The following RYR2 variants were observed in gnomAD, a reference collection of about 807,000 sequenced individuals.
RYR2 encodes the protein ryanodine receptor 2.
Under a neutral mutation model 601.1 loss-of-function variants are expected in RYR2, and 227 were observed. The observed-to-expected ratio is 0.38, with a 90% CI of 0.34 to 0.42. The LOEUF (loss-of-function observed/expected upper bound fraction) is 0.42. Ranked by LOEUF, RYR2 falls within the 10% of genes least tolerant of loss-of-function variation. The pLI, the probability that RYR2 is intolerant of heterozygous loss-of-function variation, is 1.00. For synonymous variants in RYR2, 2,223 were observed against 2,175.1 expected (o/e 1.02, Z -0.61); for missense variants, 4,646 against 6,156.5 (o/e 0.75, Z 8.21).
rs200688517 is a variant in RYR2 at position 237,473,495 on chromosome 1, T to C, written c.1708+4308T>C. Reference sequence around the variant, plus strand: ...TATCTATCTGGCATATATGTACTTATTAAATTAGATCTGTCCGTCCAATAA... The same window carrying C: ...TATCTATCTGGCATATATGTACTTACTAAATTAGATCTGTCCGTCCAATAA... On this transcript the variant is annotated intron_variant, in intron 17 of 104. Coordinates refer to ENST00000366574, the MANE Select transcript of RYR2 (RefSeq NM_001035.3). Among the ~76,000 whole-genome samples, 21 of 111,328 alleles carry C rather than the reference T, an allele frequency of 1.9e-4. 1 individual carries two copies. The East Asian group carries it at 6.2e-3, about 33-fold the overall frequency. The allele number at this position is 111,328 out of a possible 152,430, so 73.0% of individuals were successfully genotyped here.
chr1:237,353,116 C>T (rs1403526468), intron 3 of RYR2, among the ~76,000 whole-genome samples: 1 of 152,106 alleles, frequency 6.6e-6, no homozygotes, highest in East Asian at 1.9e-4. Flanking sequence ...GGCTCAAAGC[C>T]TGCCACATGG....
chr1:237,698,665 G>C (rs1415803031), intron 63 of RYR2, among the ~76,000 whole-genome samples: 1 of 148,924 alleles, frequency 6.7e-6, no homozygotes, highest in Non-Finnish European at 1.5e-5. Flanking sequence ...CAGTGAGATG[G>C]GAGGGAGAGG....
At chr1:237,591,506 C>T (rs1012564729) in intron 31 of RYR2, among the ~76,000 whole-genome samples, 1 of 151,970 alleles carries the variant, frequency 6.6e-6, no homozygotes, top group East Asian at 1.9e-4. Context: ...TGAGGACACA[C>T]CTTGGACATT....
rs983437437 is a variant in RYR2, at chr1:237,801,366, A to C, written c.14091-490A>C. Among the ~76,000 whole-genome samples, 5 of 68,388 alleles carry C rather than the reference A, an allele frequency of 7.3e-5. No homozygotes were observed. The East Asian group carries it at 2.2e-3, about 31-fold the overall frequency. 44.9% of individuals were successfully genotyped at this position (68,388 alleles called of 152,430 possible). ...GCCAACATGATGAAACCCCATCTCT[A>C]CAAAAAAAAAAAAAAAAAAAAAAAA... On this transcript the variant is annotated intron_variant, in intron 97 of 104. Transcript: ENST00000366574.
chr1:237,501,760 C>A (rs550002054), intron 21 of RYR2, among the ~76,000 whole-genome samples: 1 of 152,266 alleles, frequency 6.6e-6, no homozygotes, highest in African/African-American at 2.4e-5. Context: ...TTTCTATAAG[C>A]TTCTGGAATG....
At chr1:237,511,409 T>C (rs1427482501) in intron 23 of RYR2, among the ~76,000 whole-genome samples, 1 of 151,500 alleles carries the variant, frequency 6.6e-6, no homozygotes, top group East Asian at 1.9e-4. Flanking sequence ...TGCAAGGAGC[T>C]GACTGAGTGA....
At chr1:237,193,719 A>C (rs1201996748) in intron 1 of RYR2, among the ~76,000 whole-genome samples, 3 of 152,178 alleles carry the variant, frequency 2.0e-5, no homozygotes, top group Non-Finnish European at 4.4e-5. Flanking sequence ...AAAACTCTGG[A>C]AACGAGTTGC....
rs191839463 is a variant in RYR2, at chr1:237,666,445, A to G, written c.8437-67A>G. The G allele has an allele frequency of 2.4e-4, 327 of 1,348,170 alleles. 2 individuals are homozygous for G. In the African/African-American group the frequency reaches 4.3e-3, roughly 18 times the overall value. 83.5% of individuals were successfully genotyped at this position (1,348,170 alleles called of 1,614,324 possible). On this transcript the variant is annotated intron_variant, in intron 56 of 104. Coordinates refer to ENST00000366574, the MANE Select transcript of RYR2 (RefSeq NM_001035.3). ...TTGGAAATTTGTGCCATATTTTTAA[A>G]GTATAAGTTAAGTCTCTCTTCACAA... is the stretch of plus-strand genomic sequence containing the variant.
chr1:237,589,477 G>A (rs1215812102), intron 29 of RYR2, among the ~76,000 whole-genome samples: 1 of 152,160 alleles, frequency 6.6e-6, no homozygotes, highest in Non-Finnish European at 1.5e-5. Context: ...GGAGACTGCA[G>A]GGCGGGGATC....
At chr1:237,461,866 A>C (rs1659521622) in intron 16 of RYR2, among the ~76,000 whole-genome samples, 1 of 151,826 alleles carries the variant, frequency 6.6e-6, no homozygotes, top group South Asian at 2.1e-4. Context: ...TTGAGTTCTT[A>C]TGATTTTCTT....
At chr1:237,236,176 G>A (rs1449358461) in intron 1 of RYR2, among the ~76,000 whole-genome samples, 1 of 152,168 alleles carries the variant, frequency 6.6e-6, no homozygotes, top group Non-Finnish European at 1.5e-5. Flanking sequence ...CCAGATCTAA[G>A]TAGGAAAGGA....
intron 10 of RYR2, among the ~76,000 whole-genome samples, chr1:237,393,946 T>C (rs115928928): frequency 0.01 from 1,569 of 152,306 alleles, 14 homozygotes; most frequent in Non-Finnish European, 0.016. Context: ...CATAGGAATT[T>C]GAGCTGTTGG....
intron 1 of RYR2, among the ~76,000 whole-genome samples, chr1:237,056,411 C>A (rs35432926): frequency 3.2e-3 from 212 of 66,016 alleles, no homozygotes; most frequent in Non-Finnish European, 4.9e-3. Flanking sequence ...GTGAGGACTG[C>A]AGCACTGCAC....
chr1:237,204,172 G>A (rs1162006503), intron 1 of RYR2, among the ~76,000 whole-genome samples: 3 of 152,088 alleles, frequency 2.0e-5, no homozygotes, highest in Admixed American at 1.3e-4. Context: ...CACCACGCCT[G>A]GCTAATTTTG....
At chr1:237,250,985 T>C (rs1179448706) in intron 1 of RYR2, among the ~76,000 whole-genome samples, 1 of 151,986 alleles carries the variant, frequency 6.6e-6, no homozygotes, top group Non-Finnish European at 1.5e-5. Flanking sequence ...ATTATTGCTC[T>C]GTCCTACCCT....
chr1:237,754,992 A>G (rs1692826111), intron 80 of RYR2: 5 of 943,030 alleles, frequency 5.3e-6, no homozygotes, highest in Non-Finnish European at 7.2e-6. Context: ...TTAAGAAAAC[A>G]TAAAATTAAC....
At chr1:237,405,261 G>A (rs1703746769) in intron 10 of RYR2, among the ~76,000 whole-genome samples, 1 of 152,208 alleles carries the variant, frequency 6.6e-6, no homozygotes, top group Non-Finnish European at 1.5e-5. Flanking sequence ...TGCCAGTGAT[G>A]TAGGAGGAAA....
At chr1:237,272,193 C>T (rs190438936) in intron 2 of RYR2, among the ~76,000 whole-genome samples, 21 of 152,170 alleles carry the variant, frequency 1.4e-4, no homozygotes, top group Non-Finnish European at 1.6e-4. Flanking sequence ...TGAGGTGAGA[C>T]GTTTCTGGAG....
chr1:237,329,763 A>G lies in RYR2; in HGVS notation c.169-1115A>G, dbSNP rs73127294. On this transcript the variant is annotated intron_variant, in intron 2 of 104. Transcript: ENST00000366574. Reference sequence around the variant, plus strand: ...GGCTTCTAGTGCACCCATCACCTGAATCGTGAACAGCCAGTCAATTCTTAT... The same window carrying G: ...GGCTTCTAGTGCACCCATCACCTGAGTCGTGAACAGCCAGTCAATTCTTAT... 8.4e-3 allele frequency among the ~76,000 whole-genome samples: 1,280 copies of G among 152,292 alleles called. 18 individuals are homozygous for G. Among genetic ancestry groups the G allele is most frequent in the African/African-American group, 0.029 (1,193 of 41,556 alleles).
Sources: gnomAD v4.1 joint callset for allele counts (sites outside exome capture counted in the v4.1 genomes callset) on GRCh38, gnomAD v4.1.1 for gene constraint, MANE v1.5 for transcripts, NCBI Gene and HGNC (gene_info 2026-07-23, HGNC 2026-07-21) for gene names.